Variants in PLSCR4 observed in about 807,000 individuals in gnomAD.
PLSCR4 encodes Ca(2+)-dependent phospholipid scramblase 4.
Under a neutral mutation model 36.3 loss-of-function variants are expected in PLSCR4, and 25 were observed. The observed-to-expected ratio is 0.69, with a 90% CI of 0.50 to 0.96. The LOEUF (loss-of-function observed/expected upper bound fraction) is 0.96. Among genes scored for constraint, PLSCR4 ranks in the 40% least tolerant of loss-of-function variants. The probability of loss-of-function intolerance (pLI) is 0.00; values close to 1 mark genes in which losing one functional copy is unlikely to be tolerated. For synonymous variants in PLSCR4, 122 were observed against 132.9 expected (o/e 0.92, Z 0.56); for missense variants, 408 against 414.7 (o/e 0.98, Z 0.14).
chr3:146,250,194 G>A (rs891320942), intron 1 of PLSCR4, among the ~76,000 whole-genome samples: 7 of 152,262 alleles, frequency 4.6e-5, no homozygotes. Context: ...CTATCCATGA[G>A]AGCAGATAGA....
intron 1 of PLSCR4, among the ~76,000 whole-genome samples, chr3:146,235,582 C>T (rs2035882222): frequency 6.6e-6 from 1 of 151,976 alleles, no homozygotes; most frequent in South Asian, 2.1e-4. Flanking sequence ...AAAATGGGTA[C>T]CGAGGAGTGG....
chr3:146,247,612 C>T (rs1468537991), intron 1 of PLSCR4, among the ~76,000 whole-genome samples: 1 of 152,070 alleles, frequency 6.6e-6, no homozygotes, highest in Non-Finnish European at 1.5e-5. Context: ...TTTGTCTTCA[C>T]TGCATTTTTG....
At chr3:146,210,476 A>G (rs1173485743) in intron 3 of PLSCR4, among the ~76,000 whole-genome samples, 2 of 152,096 alleles carry the variant, frequency 1.3e-5, no homozygotes, top group African/African-American at 2.4e-5. Flanking sequence ...ATTGTTTCTT[A>G]AATTGTGGCT....
intron 1 of PLSCR4, among the ~76,000 whole-genome samples, chr3:146,238,130 T>C (rs2035993408): frequency 6.6e-6 from 1 of 151,258 alleles, no homozygotes; most frequent in African/African-American, 2.4e-5. Flanking sequence ...CTACCAAAAC[T>C]GACTCAAGAA....
chr3:146,227,610 G>A (rs988981310), intron 1 of PLSCR4, among the ~76,000 whole-genome samples: 12 of 145,996 alleles, frequency 8.2e-5, no homozygotes, highest in Middle Eastern at 3.4e-3. Flanking sequence ...AAACTCAACA[G>A]GATTAGCTCT....
chr3:146,245,506 T>C (rs2036302819), intron 1 of PLSCR4, among the ~76,000 whole-genome samples: 1 of 152,096 alleles, frequency 6.6e-6, no homozygotes, highest in Non-Finnish European at 1.5e-5. Flanking sequence ...GTAGTGATTG[T>C]AAACTACATA....
Position 146,222,095 on chromosome 3 carries a change from G to C in PLSCR4, c.-21-3C>G. 1 of 1,108,894 alleles carries C rather than the reference G, an allele frequency of 9.0e-7. No individual in the cohort carries two copies. Among genetic ancestry groups the C allele is most frequent in the Non-Finnish European group, 1.2e-6 (1 of 802,344 alleles). 68.7% of individuals were successfully genotyped at this position (1,108,894 alleles called of 1,614,324 possible). On this transcript the variant is annotated splice_region_variant and splice_polypyrimidine_tract_variant and intron_variant, in intron 1 of 8. Transcript: ENST00000354952. The stretch of plus-strand genomic sequence containing the variant: ...ATTTTGAAGAATTCCAATTAATCCT[G>C]AAAAATAAAAAATGTTAATGCCTTT...
At chr3:146,240,950 C>T (rs79830761) in intron 1 of PLSCR4, among the ~76,000 whole-genome samples, 2,564 of 152,210 alleles carry the variant, frequency 0.017, 76 homozygotes, top group African/African-American at 0.058. Context: ...ATCCATCAAT[C>T]GGTAAACTGA....
At chr3:146,237,082 ACG>A (rs1252312064) in intron 1 of PLSCR4, among the ~76,000 whole-genome samples, 1 of 152,158 alleles carries the variant, frequency 6.6e-6, no homozygotes, top group Non-Finnish European at 1.5e-5. Flanking sequence ...ATCCAACTAT[ACG>A]TCATATACAA....
At chr3:146,208,850 T>C (rs2034477439) in intron 3 of PLSCR4, among the ~76,000 whole-genome samples, 1 of 152,110 alleles carries the variant, frequency 6.6e-6, no homozygotes, top group Non-Finnish European at 1.5e-5. Flanking sequence ...GAAAACAGTG[T>C]GGAGATTCCT....
intron 1 of PLSCR4, among the ~76,000 whole-genome samples, chr3:146,230,621 G>C (rs185372066): frequency 2.5e-4 from 38 of 152,226 alleles, no homozygotes; most frequent in African/African-American, 7.9e-4. Context: ...GTAACAGAGA[G>C]AGCGAGGAGG....
At chr3:146,210,855 T>C (rs956560763) in intron 3 of PLSCR4, among the ~76,000 whole-genome samples, 2 of 152,076 alleles carry the variant, frequency 1.3e-5, no homozygotes, top group Admixed American at 1.3e-4. Context: ...CTGTTTTTTT[T>C]TTTACACTTG....
chr3:146,201,012 A>G, intron 5 of PLSCR4, 23 bp downstream of exon 5: 1 of 1,468,652 alleles, frequency 6.8e-7, no homozygotes. Flanking sequence ...AATACTGCTG[A>G]GCACTACAAA....
At chr3:146,232,591 T>A (rs934560048) in intron 1 of PLSCR4, among the ~76,000 whole-genome samples, 1 of 152,338 alleles carries the variant, frequency 6.6e-6, no homozygotes, top group Non-Finnish European at 1.5e-5. Context: ...TATTTTGTTC[T>A]TTTTGTAGCT....
chr3:146,229,613 A>AT (rs2035619975), intron 1 of PLSCR4, among the ~76,000 whole-genome samples: 6 of 126,262 alleles, frequency 4.8e-5, no homozygotes, highest in African/African-American at 1.7e-4. Context: ...TTATTTATTT[A>AT]TTTATTTATT....
chr3:146,228,380 A>G (rs995652081), intron 1 of PLSCR4, among the ~76,000 whole-genome samples: 2 of 152,162 alleles, frequency 1.3e-5, no homozygotes, highest in Non-Finnish European at 2.9e-5. Context: ...CTGAGCTGAC[A>G]CCACTAATTC....
intron 1 of PLSCR4, among the ~76,000 whole-genome samples, chr3:146,248,979 G>C (rs1362632664): frequency 2.0e-5 from 3 of 152,078 alleles, no homozygotes; most frequent in Non-Finnish European, 4.4e-5. Context: ...GTGGCTAACA[G>C]TATTCACTCT....
At chr3:146,222,854 T>A (rs1049826188) in intron 1 of PLSCR4, among the ~76,000 whole-genome samples, 15 of 152,038 alleles carry the variant, frequency 9.9e-5, no homozygotes, top group African/African-American at 3.6e-4. Flanking sequence ...AGGTGAGAGC[T>A]GACACCAGCT....
chr3:146,250,164 A>G (rs2036489357), intron 1 of PLSCR4, among the ~76,000 whole-genome samples: 1 of 152,198 alleles, frequency 6.6e-6, no homozygotes, highest in Admixed American at 6.5e-5. Context: ...TTTAATGGAA[A>G]TGCTGCTAGT....
Sources: allele counts gnomAD v4.1 joint callset (sites outside exome capture counted in the v4.1 genomes callset), GRCh38; gene constraint gnomAD v4.1.1; transcripts MANE v1.5; gene names NCBI Gene and HGNC (gene_info 2026-07-23, HGNC 2026-07-21).